SCML4: variants seen among roughly 807,000 people sequenced by gnomAD.
SCML4 encodes the protein sex comb on midleg-like protein 4.
In SCML4, 34 loss-of-function variants were observed where a neutral mutation model predicts 41.1. The observed-to-expected ratio is 0.83, with a 90% CI of 0.63 to 1.10. The LOEUF (loss-of-function observed/expected upper bound fraction) is 1.10, where lower values mean the gene tolerates loss of function less well. SCML4 is among the 50% of genes least tolerant of loss of function. The pLI, the probability that SCML4 is intolerant of heterozygous loss-of-function variation, is 0.00. For synonymous variants in SCML4, 214 were observed against 220.9 expected (o/e 0.97, Z 0.28); for missense variants, 522 against 534.1 (o/e 0.98, Z 0.22).
intron 1 of SCML4, among the ~76,000 whole-genome samples, chr6:107,780,571 G>T (rs1781405227): frequency 1.3e-5 from 2 of 151,894 alleles, no homozygotes; most frequent in South Asian, 2.1e-4. Flanking sequence ...GCCTAGCGTG[G>T]TGGCACACAT....
chr6:107,815,249 G>C (rs529764352), intron 1 of SCML4, among the ~76,000 whole-genome samples: 23 of 152,318 alleles, frequency 1.5e-4, no homozygotes, highest in South Asian at 4.1e-4. Context: ...AATGCTGGGG[G>C]CAGAGTGGGC....
At chr6:107,723,119 G>A (rs1168429639) in intron 5 of SCML4, among the ~76,000 whole-genome samples, 3 of 152,052 alleles carry the variant, frequency 2.0e-5, no homozygotes, top group Non-Finnish European at 4.4e-5. Context: ...CTGAAAGAGA[G>A]GAAATTACTA....
At chr6:107,740,873 C>A (rs1461269088) in intron 5 of SCML4, among the ~76,000 whole-genome samples, 1 of 152,204 alleles carries the variant, frequency 6.6e-6, no homozygotes, top group Non-Finnish European at 1.5e-5. Flanking sequence ...AGATTCATCA[C>A]GTACAAATTC....
chr6:107,704,950 A>T lies in SCML4; in HGVS notation c.*250T>A, dbSNP rs1773460997. Reference sequence around the variant, plus strand: ...ACCCACTTTAAGAGAAACCAGCATAACAGGGATGTTAAAAATCACAGGCTT... The same window carrying T: ...ACCCACTTTAAGAGAAACCAGCATATCAGGGATGTTAAAAATCACAGGCTT... On this transcript the variant is annotated 3_prime_UTR_variant, in exon 8 of 8. Coordinates refer to ENST00000369020, the MANE Select transcript of SCML4 (RefSeq NM_198081.5). The T allele has an allele frequency of 1.8e-6, 1 of 556,096 alleles. No individual in the cohort carries two copies. Among genetic ancestry groups the T allele is most frequent in the South Asian group, 2.1e-5 (1 of 48,380 alleles). The allele number at this position is 556,096 out of a possible 1,614,324, so 34.4% of individuals were successfully genotyped here.
At chr6:107,760,648 G>C (rs751703835) in intron 2 of SCML4, among the ~76,000 whole-genome samples, 1 of 152,152 alleles carries the variant, frequency 6.6e-6, no homozygotes, top group Non-Finnish European at 1.5e-5. Context: ...CTGGAGAAAG[G>C]TTTCAAAGAA....
At chr6:107,747,044 T>G (rs940581926) in intron 3 of SCML4, among the ~76,000 whole-genome samples, 155 bp from the exon 4 acceptor site, 4 of 152,156 alleles carry the variant, frequency 2.6e-5, no homozygotes. Flanking sequence ...CTTCCCAACT[T>G]AAGAAGTAAA....
chr6:107,812,591 T>C (rs1784236387), intron 1 of SCML4, among the ~76,000 whole-genome samples: 1 of 152,186 alleles, frequency 6.6e-6, no homozygotes, highest in Non-Finnish European at 1.5e-5. Context: ...GTGGGGGGAC[T>C]TCACCCAATC....
chr6:107,843,485 C>T, the SCML4 span, among the ~76,000 whole-genome samples: 1 of 152,076 alleles, frequency 6.6e-6, no homozygotes, highest in Non-Finnish European at 1.5e-5. Flanking sequence ...AGTAAAGTAC[C>T]CTTTGACCAC....
intron 5 of SCML4, among the ~76,000 whole-genome samples, chr6:107,732,759 C>T (rs754414292): frequency 3.3e-5 from 5 of 152,128 alleles, no homozygotes; most frequent in Admixed American, 6.5e-5. Context: ...CTGGGGGAGG[C>T]GAAGTGGGTG....
intron 6 of SCML4, 43 bp from the exon 7 acceptor site, chr6:107,708,054 G>A: frequency 6.5e-7 from 1 of 1,543,042 alleles, no homozygotes; most frequent in Non-Finnish European, 8.7e-7. Context: ...CAGTGGGACA[G>A]GGCCTTGCAC....
In SCML4 at chr6:107,749,778, G is replaced by C; in HGVS notation, c.192C>G (p.Leu64=). 1 of 1,614,148 alleles carries C rather than the reference G, an allele frequency of 6.2e-7. No homozygotes were observed. The highest frequency in any genetic ancestry group is 2.2e-5 in the East Asian group (1 of 44,876). The change falls in exon 3 of 8, where the codon CTC becomes CTG. Residue 64 remains leucine, a synonymous_variant. Coordinates refer to ENST00000369020, the MANE Select transcript of SCML4 (RefSeq NM_198081.5). ...GCTCTGGGGTACTCCGCGGAGGTGA[G>C]AGGGCTAAGGGAGTCATGAGAACCC... ...KSRVLMTPLA[L]SPPRSTPEPD...
intron 2 of SCML4, among the ~76,000 whole-genome samples, chr6:107,770,209 A>G (rs1780409255): frequency 6.6e-6 from 1 of 152,194 alleles, no homozygotes; most frequent in Non-Finnish European, 1.5e-5. Context: ...AACTAAGAAC[A>G]TTTTTAAAAA....
the SCML4 span, among the ~76,000 whole-genome samples, chr6:107,830,506 C>A: frequency 1.3e-5 from 2 of 152,198 alleles, no homozygotes; most frequent in African/African-American, 4.8e-5. Context: ...TTTCTTTGGT[C>A]ACTAGGCTGT....
chr6:107,816,586 C>T (rs568090674), intron 1 of SCML4, among the ~76,000 whole-genome samples: 104 of 152,316 alleles, frequency 6.8e-4, no homozygotes, highest in African/African-American at 2.3e-3. Context: ...AAACTGCTAA[C>T]AACTGGAGCT....
At chr6:107,818,059 C>T (rs1432512055) in intron 1 of SCML4, among the ~76,000 whole-genome samples, 1 of 152,192 alleles carries the variant, frequency 6.6e-6, no homozygotes, top group Non-Finnish European at 1.5e-5. Context: ...ATGGTGATTT[C>T]GAGCATTAGA....
chr6:107,746,566 C>G, intron 4 of SCML4, 123 bp downstream of exon 4: 1 of 814,640 alleles, frequency 1.2e-6, no homozygotes, highest in Non-Finnish European at 2.0e-6. Flanking sequence ...CATAAAGACC[C>G]TAGGAGCCCA....
rs1278894774 is a variant in SCML4, at chr6:107,720,856, A to G, written c.820T>C (p.Ser274Pro). 1.2e-6 allele frequency: 2 copies of G among 1,614,052 alleles called. No homozygotes were observed. Among genetic ancestry groups the G allele is most frequent in the Non-Finnish European group, 1.7e-6 (2 of 1,180,012 alleles). ...SSSLYCKRQNSGDSHLGGGPA... is the reference protein window; with the variant it reads ...SSSLYCKRQNPGDSHLGGGPA... ...CCACCCCCAAGGTGGCTGTCTCCAG[A>G]GTTCTGCCTCTTGCAGTACAGCGAG... The change falls in exon 6 of 8, where the codon TCT becomes CCT. Residue 274 changes from serine to proline, a missense_variant. Ser to Pro is a moderately conservative substitution (Grantham distance 74). Coordinates refer to ENST00000369020, the MANE Select transcript of SCML4 (RefSeq NM_198081.5).
rs771474689 is a variant in SCML4, at chr6:107,720,678, G to A, written c.973+25C>T. ...AGGGCAAGGGATGTTAAGTCAGTGGGAAGCTGATGCATGCATTACATTACC... is the reference window on the plus strand; with the variant it reads ...AGGGCAAGGGATGTTAAGTCAGTGGAAAGCTGATGCATGCATTACATTACC... On this transcript the variant is annotated intron_variant, in intron 6 of 7. Coordinates refer to ENST00000369020, the MANE Select transcript of SCML4 (RefSeq NM_198081.5). 3.4e-5 allele frequency: 52 copies of A among 1,511,928 alleles called. No homozygotes were observed. The Middle Eastern group carries it at 8.9e-4, about 26-fold the overall frequency. 93.7% of individuals were successfully genotyped at this position (1,511,928 alleles called of 1,614,324 possible).
intron 1 of SCML4, among the ~76,000 whole-genome samples, chr6:107,797,228 T>C (rs1056887351): frequency 6.6e-6 from 1 of 152,112 alleles, no homozygotes; most frequent in African/African-American, 2.4e-5. Flanking sequence ...TGGAAAGAAT[T>C]GAAAATTTAA....
Sources: gnomAD v4.1 joint callset for allele counts (sites outside exome capture counted in the v4.1 genomes callset) on GRCh38, gnomAD v4.1.1 for gene constraint, MANE v1.5 for transcripts, NCBI Gene and HGNC (gene_info 2026-07-23, HGNC 2026-07-21) for gene names.